Variants in CACNA2D1 observed in about 807,000 individuals in gnomAD.
CACNA2D1 encodes voltage-dependent calcium channel subunit alpha-2/delta-1.
In CACNA2D1, 53 loss-of-function variants were observed where a neutral mutation model predicts 171.5. The ratio of observed to expected loss-of-function variants is 0.31; its 90% CI spans 0.25 to 0.39. CACNA2D1 has a LOEUF of 0.39. Ranked by LOEUF, CACNA2D1 falls within the 10% of genes least tolerant of loss-of-function variation. The pLI is 1.00. For missense variants in CACNA2D1, 903 were observed against 1,299.8 expected (o/e 0.69, Z 4.69); for synonymous variants, 442 against 443.1 (o/e 1.00, Z 0.03).
chr7:82,110,612 C>T (rs753191417), intron 6 of CACNA2D1, among the ~76,000 whole-genome samples: 24 of 152,332 alleles, frequency 1.6e-4, no homozygotes, highest in African/African-American at 4.6e-4. Flanking sequence ...GCTCCCCGTT[C>T]GCTTGCTAAC....
In CACNA2D1 at chr7:82,249,948, T is replaced by C. The variant is rs997243537; in HGVS notation, c.295-79339A>G. Among the ~76,000 whole-genome samples the C allele has an allele frequency of 2.2e-4, 34 of 152,236 alleles. 1 individual carries two copies. On this transcript the variant is annotated intron_variant, in intron 3 of 38. Transcript: ENST00000356860. ...GCTGCTATATTAGAAAACCATGGAC[T>C]GGGTAATTTATAAAGAACAGAAGTT...
chr7:81,999,864 A>G (rs991776476), intron 18 of CACNA2D1, among the ~76,000 whole-genome samples: 1 of 152,210 alleles, frequency 6.6e-6, no homozygotes, highest in African/African-American at 2.4e-5. Flanking sequence ...ATATGCAACA[A>G]TAGGAAATTC....
intron 1 of CACNA2D1, among the ~76,000 whole-genome samples, chr7:82,385,965 T>C (rs891117048): frequency 6.6e-6 from 1 of 152,172 alleles, no homozygotes; most frequent in African/African-American, 2.4e-5. Context: ...ATGCCCAGTC[T>C]ATTTTTATTA....
intron 3 of CACNA2D1, among the ~76,000 whole-genome samples, chr7:82,276,336 A>G (rs1044563061): frequency 1.3e-5 from 2 of 152,202 alleles, no homozygotes; most frequent in African/African-American, 4.8e-5. Flanking sequence ...GGACTTGGCC[A>G]AACAGTTTCA....
chr7:81,977,619 C>A (rs150529542), intron 24 of CACNA2D1, among the ~76,000 whole-genome samples: 1 of 152,062 alleles, frequency 6.6e-6, no homozygotes, highest in Non-Finnish European at 1.5e-5. Context: ...AAATGTAATA[C>A]CTAAAACCAT....
At chr7:82,205,762 T>C (rs1335493200) in intron 3 of CACNA2D1, among the ~76,000 whole-genome samples, 1 of 152,152 alleles carries the variant, frequency 6.6e-6, no homozygotes, top group East Asian at 1.9e-4. Flanking sequence ...ACTCATGTAA[T>C]GCATAATTGC....
intron 5 of CACNA2D1, among the ~76,000 whole-genome samples, chr7:82,135,472 G>C (rs1791498659): frequency 6.6e-6 from 1 of 151,942 alleles, no homozygotes; most frequent in South Asian, 2.1e-4. Context: ...CCTATGTCTA[G>C]AGGAAAAAAA....
intron 5 of CACNA2D1, among the ~76,000 whole-genome samples, chr7:82,136,419 C>A (rs1791612811): frequency 6.6e-6 from 1 of 151,494 alleles, no homozygotes; most frequent in South Asian, 2.1e-4. Context: ...GGGTTCAGAT[C>A]CAGAGAAACA....
chr7:81,985,197 T>A (rs1296511620), intron 21 of CACNA2D1, among the ~76,000 whole-genome samples: 1 of 36,914 alleles, frequency 2.7e-5, no homozygotes, highest in African/African-American at 2.7e-4. Context: ...TTATCATTAC[T>A]TTTTTTTTTT....
chr7:82,228,469 C>T (rs183064047), intron 3 of CACNA2D1, among the ~76,000 whole-genome samples: 6 of 152,280 alleles, frequency 3.9e-5, no homozygotes, highest in Non-Finnish European at 7.4e-5. Context: ...CATGGAAATG[C>T]ATGGTAATTC....
At chr7:82,300,462 A>T (rs551557066) in intron 3 of CACNA2D1, among the ~76,000 whole-genome samples, 1 of 152,328 alleles carries the variant, frequency 6.6e-6, no homozygotes, top group Admixed American at 6.5e-5. Context: ...CACATAAAAC[A>T]AAAGTAAAAG....
At chr7:82,067,767 C>A (rs1185011059) in intron 7 of CACNA2D1, among the ~76,000 whole-genome samples, 1 of 152,124 alleles carries the variant, frequency 6.6e-6, no homozygotes, top group Non-Finnish European at 1.5e-5. Flanking sequence ...AAGTAACAAG[C>A]ATGCTGATAC....
intron 1 of CACNA2D1, among the ~76,000 whole-genome samples, chr7:82,385,694 T>C (rs553395789): frequency 1.3e-5 from 2 of 150,076 alleles, no homozygotes; most frequent in Non-Finnish European, 3.0e-5. Context: ...AGACAGAATC[T>C]CTCTCTGTCG....
At chr7:82,110,515 G>A (rs1788251586) in intron 6 of CACNA2D1, among the ~76,000 whole-genome samples, 1 of 152,178 alleles carries the variant, frequency 6.6e-6, no homozygotes, top group South Asian at 2.1e-4. Flanking sequence ...ATCTGTCTGA[G>A]ATAATTAAGA....
intron 18 of CACNA2D1, among the ~76,000 whole-genome samples, chr7:82,004,705 C>T (rs983833193): frequency 6.6e-6 from 1 of 152,088 alleles, no homozygotes; most frequent in Non-Finnish European, 1.5e-5. Context: ...TAAAAGGATG[C>T]TTCTAAAGTT....
chr7:82,371,211 G>A (rs1441658301), intron 1 of CACNA2D1, among the ~76,000 whole-genome samples: 1 of 152,184 alleles, frequency 6.6e-6, no homozygotes, highest in Non-Finnish European at 1.5e-5. Context: ...CCTAGTCACA[G>A]AAAGAGTGTA....
At chr7:82,290,491 G>A (rs1357517164) in intron 3 of CACNA2D1, among the ~76,000 whole-genome samples, 1 of 148,246 alleles carries the variant, frequency 6.7e-6, no homozygotes, top group Non-Finnish European at 1.5e-5. Flanking sequence ...ATTGCAAACA[G>A]TTTCATTTTA....
At chr7:82,392,901 A>C (rs1825298977) in intron 1 of CACNA2D1, among the ~76,000 whole-genome samples, 1 of 152,092 alleles carries the variant, frequency 6.6e-6, no homozygotes, top group Non-Finnish European at 1.5e-5. Flanking sequence ...TATTAGCCCT[A>C]ACCCTGAAAG....
chr7:82,357,723 T>TA (rs1820605863), intron 1 of CACNA2D1, among the ~76,000 whole-genome samples: 1 of 74,998 alleles, frequency 1.3e-5, no homozygotes, highest in African/African-American at 5.2e-5. Flanking sequence ...GGGTGGGGGG[T>TA]GGGGGGAGGG....
Sources: gnomAD v4.1 joint callset for allele counts (sites outside exome capture counted in the v4.1 genomes callset) on GRCh38, gnomAD v4.1.1 for gene constraint, MANE v1.5 for transcripts, NCBI Gene and HGNC (gene_info 2026-07-23, HGNC 2026-07-21) for gene names.